RGS6: variants seen among roughly 807,000 people sequenced by gnomAD.
RGS6 encodes regulator of G-protein signaling 6.
Under a neutral mutation model 78.5 loss-of-function variants are expected in RGS6, and 30 were observed. The ratio of observed to expected loss-of-function variants is 0.38; its 90% CI spans 0.29 to 0.52. The LOEUF is 0.52. Among genes scored for constraint, RGS6 ranks in the 20% least tolerant of loss-of-function variants. RGS6 has a pLI of 0.85. For synonymous variants in RGS6, 206 were observed against 206.0 expected, an observed-to-expected ratio of 1.00 and a Z score of 0.00; for missense variants, 495 against 609.7, an observed-to-expected ratio of 0.81 and a Z score of 1.98.
intron 2 of RGS6, among the ~76,000 whole-genome samples, chr14:72,305,912 T>C (rs2067133025): frequency 6.6e-6 from 1 of 152,130 alleles, no homozygotes; most frequent in Non-Finnish European, 1.5e-5. Flanking sequence ...AAGTTGTGAA[T>C]GCAAAGGAAA....
At chr14:72,020,640 A>G (rs1364470669) in intron 2 of RGS6, among the ~76,000 whole-genome samples, 2 of 152,226 alleles carry the variant, frequency 1.3e-5, no homozygotes, top group African/African-American at 4.8e-5. Context: ...ATCTTCACCA[A>G]TAAGCACGAA....
At chr14:72,397,851 G>T (rs979031345) in intron 3 of RGS6, among the ~76,000 whole-genome samples, 69 of 152,204 alleles carry the variant, frequency 4.5e-4, no homozygotes, top group African/African-American at 1.6e-3. Context: ...GCTGGATTAC[G>T]TTTATTGATT....
intron 2 of RGS6, among the ~76,000 whole-genome samples, chr14:72,277,644 CCAGGTG>C (rs1323454407): frequency 6.6e-6 from 1 of 151,832 alleles, no homozygotes; most frequent in Non-Finnish European, 1.5e-5. Context: ...ACTCTCCAGG[CCAGGTG>C]CAGTGAGTGG....
chr14:72,595,768 A>G, the RGS6 span, among the ~76,000 whole-genome samples: 1 of 152,216 alleles, frequency 6.6e-6, no homozygotes, highest in Non-Finnish European at 1.5e-5. Context: ...GTGTTGAGAG[A>G]GCCTGAGAAG....
chr14:72,482,578 T>A (rs1219446443), intron 12 of RGS6, among the ~76,000 whole-genome samples: 1 of 152,224 alleles, frequency 6.6e-6, no homozygotes, highest in Non-Finnish European at 1.5e-5. Context: ...GCTCTGCTGA[T>A]CTTGGCTGGG....
At chr14:72,390,477 G>A (rs1453771524) in intron 3 of RGS6, among the ~76,000 whole-genome samples, 9 of 151,786 alleles carry the variant, frequency 5.9e-5, no homozygotes, top group Admixed American at 2.0e-4. Context: ...ATTATAGATG[G>A]GACAAAAAGA....
At chr14:72,575,789 A>G in the RGS6 span, among the ~76,000 whole-genome samples, 3 of 152,226 alleles carry the variant, frequency 2.0e-5, no homozygotes, top group Admixed American at 6.5e-5. Flanking sequence ...CACCATAAAT[A>G]TGTGCAATTA....
At chr14:71,999,111 A>T (rs1474106315) in intron 2 of RGS6, among the ~76,000 whole-genome samples, 3 of 152,228 alleles carry the variant, frequency 2.0e-5, no homozygotes, top group African/African-American at 7.2e-5. Flanking sequence ...AAAATGAGTG[A>T]TGGGGCCTAA....
intron 2 of RGS6, among the ~76,000 whole-genome samples, chr14:72,050,557 A>C (rs2093169340): frequency 6.6e-6 from 1 of 152,186 alleles, no homozygotes; most frequent in Non-Finnish European, 1.5e-5. Context: ...ATAGAGAAGT[A>C]GAGATTTAGG....
At chr14:72,127,471 C>T (rs2096224090) in intron 2 of RGS6, among the ~76,000 whole-genome samples, 1 of 152,012 alleles carries the variant, frequency 6.6e-6, no homozygotes, top group African/African-American at 2.4e-5. Context: ...AATTCTTAAG[C>T]TGGGTTTCAT....
At chr14:72,128,738 C>T (rs756812857) in intron 2 of RGS6, among the ~76,000 whole-genome samples, 2 of 152,080 alleles carry the variant, frequency 1.3e-5, no homozygotes, top group Non-Finnish European at 2.9e-5. Flanking sequence ...GAAAGATGCC[C>T]GGAAACATGT....
chr14:72,069,777 C>CTGTTG (rs1454949099), intron 2 of RGS6, among the ~76,000 whole-genome samples: 3 of 152,020 alleles, frequency 2.0e-5, no homozygotes, highest in Non-Finnish European at 4.4e-5. Context: ...TGGGCTCCAG[C>CTGTTG]AATCTGCCCG....
chr14:72,032,670 C>T (rs1182370985), intron 2 of RGS6, among the ~76,000 whole-genome samples: 2 of 152,096 alleles, frequency 1.3e-5, no homozygotes, highest in Admixed American at 6.5e-5. Context: ...ATTTCGACTA[C>T]TTAAGTATAC....
At chr14:72,383,754 G>A (rs1205973327) in intron 3 of RGS6, among the ~76,000 whole-genome samples, 1 of 152,110 alleles carries the variant, frequency 6.6e-6, no homozygotes, top group African/African-American at 2.4e-5. Context: ...GGTGAAGAAA[G>A]GGCAGAGTTG....
At chr14:71,996,168 T>G (rs1566982556) in intron 2 of RGS6, among the ~76,000 whole-genome samples, 3 of 151,380 alleles carry the variant, frequency 2.0e-5, no homozygotes, top group African/African-American at 4.9e-5. Flanking sequence ...TTTTTTTTTT[T>G]TGTGATTTGG....
intron 2 of RGS6, among the ~76,000 whole-genome samples, chr14:72,053,151 C>A: frequency 7.6e-6 from 1 of 130,786 alleles, no homozygotes; most frequent in Non-Finnish European, 1.6e-5. Flanking sequence ...GATGGAGTCT[C>A]GCTCTGTCAC....
the RGS6 span, among the ~76,000 whole-genome samples, chr14:72,621,433 C>A: frequency 6.6e-6 from 1 of 152,064 alleles, no homozygotes; most frequent in Admixed American, 6.5e-5. Context: ...TATATCAAAT[C>A]TCACCTTGGC....
chr14:72,571,265 G>C (rs943267275), downstream of RGS6, among the ~76,000 whole-genome samples: 2 of 152,176 alleles, frequency 1.3e-5, no homozygotes, highest in African/African-American at 4.8e-5. Context: ...TTAAAGACTA[G>C]GGTCCCTGAC....
intron 12 of RGS6, among the ~76,000 whole-genome samples, chr14:72,483,301 T>G (rs2096418824): frequency 6.6e-6 from 1 of 152,218 alleles, no homozygotes. Flanking sequence ...GGGATCAAAA[T>G]GTTTCATTCC....
Sources: allele counts gnomAD v4.1 joint callset (sites outside exome capture counted in the v4.1 genomes callset), GRCh38; gene constraint gnomAD v4.1.1; transcripts MANE v1.5; gene names NCBI Gene and HGNC (gene_info 2026-07-23, HGNC 2026-07-21).